Variants in LAMC2 observed in about 807,000 individuals in gnomAD.
LAMC2 encodes the protein laminin subunit gamma 2.
A neutral mutation model predicts 140.2 loss-of-function variants in LAMC2; 97 were observed. The ratio of observed to expected loss-of-function variants is 0.69; its 90% confidence interval spans 0.59 to 0.82. The LOEUF (loss-of-function observed/expected upper bound fraction) is 0.82, where lower values mean the gene tolerates loss of function less well. Ranked by LOEUF, LAMC2 falls within the 40% of genes least tolerant of loss-of-function variation. The pLI, the probability that LAMC2 is intolerant of heterozygous loss-of-function variation, is 0.00. For missense variants in LAMC2, 1,402 were observed against 1,476.1 expected (o/e 0.95, Z 0.82); for synonymous variants, 513 against 540.2 (o/e 0.95, Z 0.70).
intron 1 of LAMC2, among the ~76,000 whole-genome samples, chr1:183,200,869 T>C (rs1658685851): frequency 6.6e-6 from 1 of 152,168 alleles, no homozygotes; most frequent in Non-Finnish European, 1.5e-5. Flanking sequence ...TCAGCAACTG[T>C]GTGCTATTAT....
At chr1:183,255,961 G>T in the LAMC2 span, among the ~76,000 whole-genome samples, 1 of 151,960 alleles carries the variant, frequency 6.6e-6, no homozygotes, top group African/African-American at 2.4e-5. Context: ...ACCGTGCCTG[G>T]CTGTCTAACT....
chr1:183,246,775 G>T (rs147778216), downstream of LAMC2, among the ~76,000 whole-genome samples: 122 of 152,298 alleles, frequency 8.0e-4, no homozygotes, highest in African/African-American at 2.8e-3. Flanking sequence ...TGTTTTGCAT[G>T]GTAATGGGAA....
In LAMC2 at chr1:183,207,945, T is replaced by C; in HGVS notation, c.144T>C (p.Gly48=). The change falls in exon 2 of 23, where the codon GGT becomes GGC. Residue 48 remains glycine, a synonymous_variant. Transcript: ENST00000264144. ...IFDRELHRQT[G]NGFRCLNCND... is the part of the protein sequence containing the mutation. Reference sequence around the variant, plus strand: ...ATCGGGAACTTCACAGACAAACTGGTAATGGATTCCGCTGCCTCAACTGCA... The same window carrying C: ...ATCGGGAACTTCACAGACAAACTGGCAATGGATTCCGCTGCCTCAACTGCA... 1.2e-6 allele frequency: 2 copies of C among 1,612,838 alleles called. No individual in the cohort carries two copies. The highest frequency in any genetic ancestry group is 1.1e-5 in the South Asian group (1 of 91,026).
At chr1:183,231,206 G>A in intron 12 of LAMC2, 103 bp downstream of exon 12, 1 of 1,329,662 alleles carries the variant, frequency 7.5e-7, no homozygotes, top group African/African-American at 1.4e-5. Flanking sequence ...AGTCTCCTGA[G>A]GATGGGAGTA....
At chr1:183,204,322 T>A (rs573680978) in intron 1 of LAMC2, among the ~76,000 whole-genome samples, 37 of 151,892 alleles carry the variant, frequency 2.4e-4, no homozygotes, top group South Asian at 6.2e-4. Flanking sequence ...AGGCTGGGTA[T>A]GGTGGTGCAC....
At chr1:183,254,700 G>A in the LAMC2 span, among the ~76,000 whole-genome samples, 54 of 152,314 alleles carry the variant, frequency 3.5e-4, 1 homozygote, top group South Asian at 2.3e-3. Context: ...GCCTCCCAGC[G>A]TGCTGGGATT....
At chr1:183,252,503 C>T in the LAMC2 span, 1 of 611,502 alleles carries the variant, frequency 1.6e-6, no homozygotes, top group South Asian at 1.6e-5. Flanking sequence ...CTCTGCAGGT[C>T]CCCCACACTA....
At chr1:183,233,575 G>T (rs1269562531) in intron 14 of LAMC2, among the ~76,000 whole-genome samples, 2 of 152,116 alleles carry the variant, frequency 1.3e-5, no homozygotes, top group African/African-American at 2.4e-5. Context: ...AAAATAATGT[G>T]TATTGATTGT....
chr1:183,210,908 A>C (rs1204614449), intron 2 of LAMC2, among the ~76,000 whole-genome samples: 2 of 152,192 alleles, frequency 1.3e-5, no homozygotes, highest in Non-Finnish European at 2.9e-5. Context: ...TCACCAAACC[A>C]CTAGCACAAG....
rs1659694337 is a variant in LAMC2 at position 183,228,360 on chromosome 1, T to C, written c.1469-14T>C. On this transcript the variant is annotated splice_polypyrimidine_tract_variant and intron_variant, in intron 10 of 22. Transcript: ENST00000264144. The surrounding 1 kb of genome is among the most constrained non-coding windows in gnomAD (Gnocchi z 4.3). ...TGGATGTCGACCTAGGCTTGGTCAT[T>C]TGTTCCTTCCCAGGTGCCCGCTGTG... 4 of 1,614,132 alleles carry C rather than the reference T, an allele frequency of 2.5e-6. No homozygotes were observed. In the East Asian group the frequency reaches 8.9e-5, roughly 36 times the overall value.
At chr1:183,211,876 T>C (rs1431138639) in intron 2 of LAMC2, among the ~76,000 whole-genome samples, 2 of 152,196 alleles carry the variant, frequency 1.3e-5, no homozygotes, top group Non-Finnish European at 2.9e-5. Context: ...GCTATATCTA[T>C]ATAAAGCATG....
At chr1:183,214,631 G>A (rs975885355) in intron 2 of LAMC2, among the ~76,000 whole-genome samples, 1 of 152,076 alleles carries the variant, frequency 6.6e-6, no homozygotes, top group Non-Finnish European at 1.5e-5. Context: ...CCTAACTATC[G>A]AATTACATTT....
chr1:183,225,148 A>G (rs1353676229), intron 7 of LAMC2, among the ~76,000 whole-genome samples: 1 of 152,246 alleles, frequency 6.6e-6, no homozygotes, highest in Non-Finnish European at 1.5e-5. Context: ...AAAAGTATTA[A>G]GTGTGGACAA....
intron 1 of LAMC2, among the ~76,000 whole-genome samples, chr1:183,193,934 C>T (rs1246398639): frequency 6.6e-6 from 1 of 151,264 alleles, no homozygotes; most frequent in East Asian, 1.9e-4. Context: ...TGACTTTAGG[C>T]AATACAGTGT....
At chr1:183,258,012 T>G in the LAMC2 span, among the ~76,000 whole-genome samples, 2 of 152,224 alleles carry the variant, frequency 1.3e-5, no homozygotes, top group Non-Finnish European at 2.9e-5. Flanking sequence ...GAACTATCCT[T>G]AGTTTATCCT....
At chr1:183,240,757 C>T (rs1232682354) in intron 22 of LAMC2, 1 of 1,008,332 alleles carries the variant, frequency 9.9e-7, no homozygotes, top group Non-Finnish European at 1.2e-6. Flanking sequence ...ATAACATCAC[C>T]ACTGTATATT....
the LAMC2 span, among the ~76,000 whole-genome samples, chr1:183,253,242 A>G: frequency 6.8e-6 from 1 of 148,022 alleles, no homozygotes; most frequent in Admixed American, 6.8e-5. Context: ...TATTTATTAT[A>G]TATTTTATAA....
the LAMC2 span, among the ~76,000 whole-genome samples, chr1:183,255,624 C>G: frequency 6.7e-6 from 1 of 149,178 alleles, no homozygotes; most frequent in African/African-American, 2.5e-5. Flanking sequence ...CTCCAGTGTA[C>G]AGATTTTTCA....
Position 183,234,352 on chromosome 1 carries a change from CT to C in LAMC2, c.2221-14del, listed in dbSNP as rs1659888968. On this transcript the variant is annotated splice_polypyrimidine_tract_variant and intron_variant, in intron 14 of 22. Transcript: ENST00000264144. ...CTTAACCGATTCGCCTTAACCGATTCTCCTTTTCCCACAGAACATTCCTGCC... is the reference window on the plus strand; with the variant it reads ...CTTAACCGATTCGCCTTAACCGATTCCCTTTTCCCACAGAACATTCCTGCC... 4.3e-6 allele frequency: 7 copies of C among 1,610,480 alleles called. No homozygotes were observed. The highest frequency in any genetic ancestry group is 5.9e-6 in the Non-Finnish European group (7 of 1,176,656).
Sources: gnomAD v4.1 joint callset for allele counts (sites outside exome capture counted in the v4.1 genomes callset) on GRCh38, gnomAD v4.1.1 for gene constraint, Gnocchi (gnomAD v3.1) non-coding constraint, MANE v1.5 for transcripts, NCBI Gene and HGNC (gene_info 2026-07-23, HGNC 2026-07-21) for gene names.